PTPRN2: variants seen among roughly 807,000 people sequenced by gnomAD.
PTPRN2 encodes protein tyrosine phosphatase receptor type N2.
A neutral mutation model predicts 118.8 loss-of-function variants in PTPRN2; 74 were observed. The observed-to-expected ratio is 0.62, with a 90% CI of 0.52 to 0.76. PTPRN2 has a LOEUF of 0.76. PTPRN2 is among the 30% of genes least tolerant of loss of function. PTPRN2 has a pLI of 0.00. For synonymous variants in PTPRN2, 641 were observed against 608.0 expected, an observed-to-expected ratio of 1.05 and a Z score of -0.80; for missense variants, 1,481 against 1,394.4, an observed-to-expected ratio of 1.06 and a Z score of -0.99.
intron 13 of PTPRN2, among the ~76,000 whole-genome samples, chr7:157,680,532 C>T (rs1215914377): frequency 2.0e-5 from 3 of 152,192 alleles, no homozygotes; most frequent in Non-Finnish European, 2.9e-5. Flanking sequence ...GTCCTTGACA[C>T]GTTACTCAGC....
intron 11 of PTPRN2, among the ~76,000 whole-genome samples, chr7:158,056,816 C>G (rs1809828375): frequency 6.6e-6 from 1 of 152,234 alleles, no homozygotes; most frequent in African/African-American, 2.4e-5. Flanking sequence ...ACAGAAGCTG[C>G]ACATTAAGTC....
chr7:158,165,820 C>T (rs1164817618), intron 6 of PTPRN2, among the ~76,000 whole-genome samples: 1 of 152,170 alleles, frequency 6.6e-6, no homozygotes, highest in Non-Finnish European at 1.5e-5. Flanking sequence ...CCCGCAAACG[C>T]CTTTCTCCCC....
At position 158,517,531 on chromosome 7, in the gene PTPRN2, A is replaced by C; in HGVS notation, c.113-27746T>G. On this transcript the variant is annotated intron_variant, in intron 1 of 22. Transcript: ENST00000389418. This position sits in a 1 kb window ranked among gnomAD's most constrained non-coding sequence, Gnocchi z 5.3. ...AGCCTGAGCCCCGTTCCACCTCCTC[A>C]CTGGCCTCGCTGCCCCTCTGCAATC... 6.8e-6 allele frequency among the ~76,000 whole-genome samples: 1 copy of C among 148,112 alleles called. No homozygotes were observed.
rs767270386 is a variant in PTPRN2, at chr7:157,578,037, A to G, written c.2600T>C (p.Leu867Pro). 4 of 1,612,322 alleles carry G rather than the reference A, an allele frequency of 2.5e-6. No individual in the cohort carries two copies. In the African/African-American group the frequency reaches 5.3e-5, roughly 22 times the overall value. The change falls in exon 18 of 23, where the codon CTC becomes CCC. Residue 867 changes from leucine to proline, a missense_variant. By Grantham distance (98) the Leu-to-Pro change is moderately conservative. Coordinates refer to ENST00000389418, the MANE Select transcript of PTPRN2 (RefSeq NM_002847.5). ...YHYWPDEGSN[L>P]YHIYEVNLVS... ...TCGGAGTACCTCATAGATGTGGTAG[A>G]GATTGGAGCCTTCATCCGGCCAGTA...
At chr7:158,076,969 T>A (rs1812410784) in intron 11 of PTPRN2, among the ~76,000 whole-genome samples, 1 of 151,964 alleles carries the variant, frequency 6.6e-6, no homozygotes, top group Non-Finnish European at 1.5e-5. Context: ...CTGCCTGGGG[T>A]CGATAGTTAA....
At chr7:158,343,731 G>A (rs1402670832) in intron 2 of PTPRN2, among the ~76,000 whole-genome samples, 1 of 151,638 alleles carries the variant, frequency 6.6e-6, no homozygotes, top group African/African-American at 2.4e-5. Flanking sequence ...GGGCTGTCGC[G>A]GCTGCTCCCG....
intron 10 of PTPRN2, among the ~76,000 whole-genome samples, chr7:158,103,868 A>ATT (rs55854700): frequency 1.0e-3 from 152 of 147,268 alleles, no homozygotes; most frequent in African/African-American, 3.4e-3. Flanking sequence ...GATTATTATT[A>ATT]TTTTTTTTTT....
chr7:158,341,591 C>T (rs545389836), intron 2 of PTPRN2, among the ~76,000 whole-genome samples: 1 of 103,456 alleles, frequency 9.7e-6, no homozygotes, highest in Admixed American at 1.0e-4. Flanking sequence ...AGAGGTGACA[C>T]CCGCAGACAT....
At chr7:157,844,201 G>A (rs1023836092) in intron 12 of PTPRN2, among the ~76,000 whole-genome samples, 3 of 152,244 alleles carry the variant, frequency 2.0e-5, no homozygotes, top group African/African-American at 7.2e-5. Flanking sequence ...ACAGGAGGTG[G>A]TGTGCAGCAC....
chr7:158,133,511 T>C (rs986692185), intron 9 of PTPRN2, among the ~76,000 whole-genome samples, 166 bp downstream of exon 9: 12 of 152,214 alleles, frequency 7.9e-5, no homozygotes, highest in Non-Finnish European at 1.6e-4. Context: ...TCCAGGCACC[T>C]GGCTGCCCTC....
intron 3 of PTPRN2, among the ~76,000 whole-genome samples, chr7:158,221,965 G>A (rs1428668756): frequency 1.3e-5 from 2 of 152,102 alleles, no homozygotes; most frequent in Admixed American, 6.5e-5. Flanking sequence ...GCCAAGAAAC[G>A]TAGGAAAAAT....
chr7:158,513,767 C>T (rs764805503), intron 1 of PTPRN2, among the ~76,000 whole-genome samples: 1 of 152,148 alleles, frequency 6.6e-6, no homozygotes, highest in African/African-American at 2.4e-5. Flanking sequence ...AAGGCAGCCC[C>T]GAAACTTACC....
At chr7:157,698,820 G>A (rs1452851962) in intron 12 of PTPRN2, among the ~76,000 whole-genome samples, 1 of 152,138 alleles carries the variant, frequency 6.6e-6, no homozygotes, top group Non-Finnish European at 1.5e-5. Flanking sequence ...AATAGTTGAT[G>A]TTCAGTATAG....
intron 2 of PTPRN2, among the ~76,000 whole-genome samples, chr7:158,461,353 G>A (rs928178056): frequency 2.6e-5 from 4 of 152,034 alleles, no homozygotes; most frequent in Admixed American, 6.6e-5. Context: ...AAAATTAACC[G>A]GGCGTGGTGG....
At chr7:158,105,941 G>C (rs1489287257) in intron 10 of PTPRN2, among the ~76,000 whole-genome samples, 1 of 148,320 alleles carries the variant, frequency 6.7e-6, no homozygotes, top group Non-Finnish European at 1.5e-5. Flanking sequence ...TGTATACCCA[G>C]CTCTATCACT....
intron 12 of PTPRN2, among the ~76,000 whole-genome samples, chr7:157,880,481 G>A (rs1796048068): frequency 6.6e-6 from 1 of 152,210 alleles, no homozygotes; most frequent in Non-Finnish European, 1.5e-5. Context: ...GGAGGTGTGA[G>A]TCTTGGTCAT....
At chr7:158,087,532 G>A (rs1308553856) in intron 10 of PTPRN2, among the ~76,000 whole-genome samples, 2 of 152,176 alleles carry the variant, frequency 1.3e-5, no homozygotes, top group Non-Finnish European at 2.9e-5. Context: ...ATTTAGGGTG[G>A]AAGAAATGCC....
intron 2 of PTPRN2, among the ~76,000 whole-genome samples, chr7:158,484,790 G>T (rs1304531195): frequency 6.6e-6 from 1 of 152,168 alleles, no homozygotes; most frequent in Non-Finnish European, 1.5e-5. Context: ...CCTTTCCACG[G>T]CCGGACAGCA....
intron 12 of PTPRN2, among the ~76,000 whole-genome samples, chr7:157,875,331 C>T (rs531830256): frequency 3.3e-5 from 5 of 152,142 alleles, no homozygotes; most frequent in African/African-American, 4.8e-5. Flanking sequence ...GCCGAGGGAG[C>T]GCGTGAGGGC....
Sources: allele counts gnomAD v4.1 joint callset (sites outside exome capture counted in the v4.1 genomes callset), GRCh38; gene constraint gnomAD v4.1.1; non-coding constraint Gnocchi (gnomAD v3.1); transcripts MANE v1.5; gene names NCBI Gene and HGNC (gene_info 2026-07-23, HGNC 2026-07-21).